FYN: variants seen among roughly 807,000 people sequenced by gnomAD.
The protein encoded by FYN is FYN proto-oncogene, Src family tyrosine kinase, also known as tyrosine-protein kinase Fyn.
Under a neutral mutation model 70.2 loss-of-function variants are expected in FYN, and 10 were observed. That is an observed-to-expected ratio of 0.14 (90% confidence interval 0.09 to 0.24). The LOEUF is 0.24. FYN is among the 10% of genes least tolerant of loss of function. FYN has a pLI of 1.00. For missense variants in FYN, 319 were observed against 673.1 expected, an observed-to-expected ratio of 0.47 and a Z score of 5.82; for synonymous variants, 236 against 248.6, an observed-to-expected ratio of 0.95 and a Z score of 0.48.
chr6:111,770,999 A>AG (rs948113698), intron 3 of FYN, among the ~76,000 whole-genome samples: 11 of 152,156 alleles, frequency 7.2e-5, no homozygotes, highest in African/African-American at 2.7e-4. Flanking sequence ...AGGCGGTTAA[A>AG]GTGTAAAATG....
At chr6:111,854,607 T>C (rs570649527) in intron 1 of FYN, among the ~76,000 whole-genome samples, 3 of 152,364 alleles carry the variant, frequency 2.0e-5, no homozygotes, top group South Asian at 2.1e-4. Context: ...TTTTAAAGAA[T>C]TGTCTGAATG....
At chr6:111,846,241 C>T (rs113750509) in intron 2 of FYN, among the ~76,000 whole-genome samples, 16 of 152,228 alleles carry the variant, frequency 1.1e-4, no homozygotes, top group African/African-American at 3.9e-4. Context: ...TGAGGATAGG[C>T]GCTCCCCATT....
intron 3 of FYN, among the ~76,000 whole-genome samples, chr6:111,729,908 T>C (rs1429603054): frequency 6.6e-6 from 1 of 152,250 alleles, no homozygotes; most frequent in Non-Finnish European, 1.5e-5. Flanking sequence ...TGTACTTTTT[T>C]TATAATGAGA....
At chr6:111,810,983 T>C (rs902132922) in intron 2 of FYN, among the ~76,000 whole-genome samples, 1 of 152,224 alleles carries the variant, frequency 6.6e-6, no homozygotes, top group Non-Finnish European at 1.5e-5. Flanking sequence ...GTATAATACA[T>C]TGGCAAGCAA....
At chr6:111,677,518 G>C (rs1798586158) in intron 12 of FYN, among the ~76,000 whole-genome samples, 1 of 152,186 alleles carries the variant, frequency 6.6e-6, no homozygotes, top group Non-Finnish European at 1.5e-5. Context: ...TTTAAAACTA[G>C]CCTTGCAGGT....
At chr6:111,728,364 A>G (rs899975162) in intron 3 of FYN, among the ~76,000 whole-genome samples, 1 of 152,190 alleles carries the variant, frequency 6.6e-6, no homozygotes, top group African/African-American at 2.4e-5. Flanking sequence ...TAATTCATAT[A>G]CCATAAAATT....
intron 1 of FYN, among the ~76,000 whole-genome samples, chr6:111,865,960 C>G (rs1489187817): frequency 6.6e-6 from 1 of 152,192 alleles, no homozygotes; most frequent in Non-Finnish European, 1.5e-5. Flanking sequence ...AATTTCCCAA[C>G]TTTTCTAACA....
chr6:111,864,378 T>C (rs1049496105), intron 1 of FYN, among the ~76,000 whole-genome samples: 1 of 152,210 alleles, frequency 6.6e-6, no homozygotes, highest in Non-Finnish European at 1.5e-5. Flanking sequence ...AGTTTTTCCA[T>C]CTTTTAAATG....
At chr6:111,831,619 T>C (rs1013338021) in intron 2 of FYN, among the ~76,000 whole-genome samples, 3 of 152,118 alleles carry the variant, frequency 2.0e-5, no homozygotes, top group Admixed American at 2.0e-4. Context: ...GTAATGACTA[T>C]AAATATGTGA....
chr6:111,674,776 G>A (rs1217003442), intron 12 of FYN, 146 bp from the exon 13 acceptor site: 5 of 838,706 alleles, frequency 6.0e-6, no homozygotes, highest in Non-Finnish European at 7.3e-6. Flanking sequence ...GAATGGGCTG[G>A]GATTGGGAAG....
chr6:111,863,466 T>A (rs1437024063), intron 1 of FYN, among the ~76,000 whole-genome samples: 1 of 152,212 alleles, frequency 6.6e-6, no homozygotes, highest in Non-Finnish European at 1.5e-5. Flanking sequence ...GCCTTTTCAG[T>A]AGAATTTAAA....
chr6:111,701,613 C>A (rs1483961274), intron 8 of FYN, among the ~76,000 whole-genome samples: 1 of 152,056 alleles, frequency 6.6e-6, no homozygotes, highest in Non-Finnish European at 1.5e-5. Context: ...CTCTTTCCTT[C>A]CAGCTTTACA....
intron 1 of FYN, among the ~76,000 whole-genome samples, chr6:111,859,767 C>A (rs945330231): frequency 3.3e-5 from 5 of 152,062 alleles, no homozygotes; most frequent in African/African-American, 1.2e-4. Context: ...ATGGTGCCAA[C>A]CCCCCAACCA....
intron 2 of FYN, among the ~76,000 whole-genome samples, chr6:111,782,794 G>A (rs1771223829): frequency 6.6e-6 from 1 of 152,162 alleles, no homozygotes; most frequent in African/African-American, 2.4e-5. Context: ...ATCCATGCTG[G>A]TGAGGCCAGG....
chr6:111,703,002 C>T lies in FYN; in HGVS notation c.580G>A (p.Asp194Asn). Residue 194 changes from aspartate to asparagine, a missense_variant, in exon 8 of 14, where the codon GAT becomes AAT. Physicochemically the swap from Asp to Asn is conservative, Grantham distance 23 (BLOSUM62 1). Transcript: ENST00000354650. ...AYSLSIRDWD[D>N]MKGDHVKHYK... Reference sequence around the variant, plus strand: ...TGTTTGACATGGTCTCCTTTCATATCATCCCAATCACGGATAGAAAGTGAA... The same window carrying T: ...TGTTTGACATGGTCTCCTTTCATATTATCCCAATCACGGATAGAAAGTGAA... The T allele has an allele frequency of 6.2e-7, 1 of 1,614,068 alleles. No individual in the cohort carries two copies. Among genetic ancestry groups the T allele is most frequent in the Non-Finnish European group, 8.5e-7 (1 of 1,179,986 alleles).
At chr6:111,844,607 A>G (rs1472390784) in intron 2 of FYN, among the ~76,000 whole-genome samples, 1 of 152,230 alleles carries the variant, frequency 6.6e-6, no homozygotes, top group Non-Finnish European at 1.5e-5. Flanking sequence ...AGAGCCTTTC[A>G]GAGGTGCCTC....
intron 2 of FYN, among the ~76,000 whole-genome samples, chr6:111,835,715 C>G (rs1456300711): frequency 2.0e-5 from 3 of 152,166 alleles, no homozygotes; most frequent in Admixed American, 6.5e-5. Context: ...AGTTAGTCCT[C>G]TTTCCAAATA....
At chr6:111,726,194 C>T (rs1017653294) in intron 3 of FYN, among the ~76,000 whole-genome samples, 1 of 152,200 alleles carries the variant, frequency 6.6e-6, no homozygotes, top group Non-Finnish European at 1.5e-5. Flanking sequence ...CCCCTCCGTG[C>T]CTGGATTTGT....
intron 1 of FYN, among the ~76,000 whole-genome samples, chr6:111,858,841 T>TAA (rs546524771): frequency 0.034 from 4,432 of 129,296 alleles, 91 homozygotes; most frequent in Non-Finnish European, 0.051. Context: ...ACCTAGGATT[T>TAA]AAAAAAAAAA....
Sources: allele counts gnomAD v4.1 joint callset (sites outside exome capture counted in the v4.1 genomes callset), GRCh38; gene constraint gnomAD v4.1.1; transcripts MANE v1.5; gene names NCBI Gene and HGNC (gene_info 2026-07-23, HGNC 2026-07-21).